The following ARFGEF1 variants were observed in gnomAD, a reference collection of about 807,000 sequenced individuals.
ARFGEF1 encodes ARF guanine nucleotide exchange factor 1.
A neutral mutation model predicts 231.0 loss-of-function variants in ARFGEF1; 42 were observed. That is an observed-to-expected ratio of 0.18 (90% confidence interval 0.14 to 0.24). The LOEUF (loss-of-function observed/expected upper bound fraction) is 0.24. Among genes scored for constraint, ARFGEF1 ranks in the 10% least tolerant of loss-of-function variants. ARFGEF1 has a pLI of 1.00. For synonymous variants in ARFGEF1, 710 were observed against 732.3 expected, an observed-to-expected ratio of 0.97 and a Z score of 0.49; for missense variants, 1,345 against 2,192.0, an observed-to-expected ratio of 0.61 and a Z score of 7.72.
intron 35 of ARFGEF1, among the ~76,000 whole-genome samples, chr8:67,203,550 C>A (rs1279367154): frequency 6.6e-6 from 1 of 152,190 alleles, no homozygotes; most frequent in African/African-American, 2.4e-5. Flanking sequence ...TTTAATTATT[C>A]TCTTTCACAA....
At chr8:67,213,484 T>C (rs1467753161) in intron 33 of ARFGEF1, among the ~76,000 whole-genome samples, 1 of 152,106 alleles carries the variant, frequency 6.6e-6, no homozygotes, top group Non-Finnish European at 1.5e-5. Context: ...TAAAAACAAA[T>C]GTAAAATGAC....
chr8:67,314,268 C>T (rs1160554545), intron 1 of ARFGEF1, among the ~76,000 whole-genome samples: 1 of 152,168 alleles, frequency 6.6e-6, no homozygotes, highest in South Asian at 2.1e-4. Flanking sequence ...GATTCAAGTC[C>T]TCCCCTGAGT....
intron 1 of ARFGEF1, 137 bp from the exon 2 acceptor site, chr8:67,302,603 T>A (rs2128916286): frequency 1.9e-6 from 1 of 520,652 alleles, no homozygotes. Flanking sequence ...AATTAGATGC[T>A]AAAATTGTTT....
At chr8:67,285,471 T>C (rs1451111340) in intron 7 of ARFGEF1, among the ~76,000 whole-genome samples, 1 of 151,958 alleles carries the variant, frequency 6.6e-6, no homozygotes, top group Non-Finnish European at 1.5e-5. Flanking sequence ...AAGCCAAGAC[T>C]GTACCACTAT....
intron 5 of ARFGEF1, among the ~76,000 whole-genome samples, chr8:67,179,120 A>T (rs1832381517): frequency 6.6e-6 from 1 of 152,148 alleles, no homozygotes. Context: ...AGGTGCAGGG[A>T]GGTGGAGTTG....
At chr8:67,229,989 A>G (rs996994753) in intron 23 of ARFGEF1, among the ~76,000 whole-genome samples, 3 of 152,080 alleles carry the variant, frequency 2.0e-5, no homozygotes, top group Non-Finnish European at 4.4e-5. Flanking sequence ...AACAGGAGAG[A>G]GAACTATCAT....
intron 15 of ARFGEF1, 23 bp downstream of exon 15, chr8:67,259,792 T>A (rs752473934): frequency 2.7e-5 from 41 of 1,491,688 alleles, no homozygotes; most frequent in Admixed American, 4.0e-5. Flanking sequence ...CAGAAAAGGT[T>A]AGAATGAAAA....
In ARFGEF1 at chr8:67,271,698, G is replaced by GT; in HGVS notation, c.1572+3dup. ...GTAACATTATGCCTAAATGCAAAAC[G>GT]TACCTCAATTTGCATCTTCAGATGT... On this transcript the variant is annotated splice_donor_region_variant and intron_variant, in intron 10 of 38. Coordinates refer to ENST00000262215, the MANE Select transcript of ARFGEF1 (RefSeq NM_006421.5). The GT allele has an allele frequency of 6.3e-7, 1 of 1,589,944 alleles. No homozygotes were observed. The highest frequency in any genetic ancestry group is 8.6e-7 in the Non-Finnish European group (1 of 1,161,286).
chr8:67,274,170 T>A (rs1805216281), intron 9 of ARFGEF1, among the ~76,000 whole-genome samples: 1 of 152,070 alleles, frequency 6.6e-6, no homozygotes, highest in African/African-American at 2.4e-5. Flanking sequence ...GGCTGGAAAT[T>A]TCAGGTCTGC....
chr8:67,231,797 G>T (rs934967440), intron 23 of ARFGEF1, among the ~76,000 whole-genome samples: 1 of 151,982 alleles, frequency 6.6e-6, no homozygotes, highest in Admixed American at 6.6e-5. Context: ...TTTCCTCATT[G>T]TAAATTGAGG....
At chr8:67,339,616 C>G (rs1808507436) in intron 1 of ARFGEF1, among the ~76,000 whole-genome samples, 1 of 151,584 alleles carries the variant, frequency 6.6e-6, no homozygotes, top group African/African-American at 2.4e-5. Context: ...CAGCAGATGG[C>G]CAGACTATTT....
In ARFGEF1 at chr8:67,217,762, G is replaced by A; in HGVS notation, c.4613+20C>T. ...TTCAATATACAAATATAAATGTAAA[G>A]TTGTATAAAATCTTCTTACGCATGT... On this transcript the variant is annotated intron_variant, in intron 32 of 38. Transcript: ENST00000262215. The A allele has an allele frequency of 6.2e-7, 1 of 1,609,152 alleles. No individual in the cohort carries two copies.
At chr8:67,287,573 C>T (rs186443280) in intron 7 of ARFGEF1, among the ~76,000 whole-genome samples, 67 of 152,290 alleles carry the variant, frequency 4.4e-4, no homozygotes, top group Non-Finnish European at 2.1e-4. Context: ...ATTCTCTTTT[C>T]CTTACCTACT....
chr8:67,317,097 T>C (rs1807352787), intron 1 of ARFGEF1, among the ~76,000 whole-genome samples: 2 of 152,166 alleles, frequency 1.3e-5, no homozygotes, highest in African/African-American at 2.4e-5. Flanking sequence ...GTGATACACA[T>C]CAATGAGCTG....
intron 33 of ARFGEF1, among the ~76,000 whole-genome samples, chr8:67,215,589 G>T (rs1838898663): frequency 6.6e-6 from 1 of 152,192 alleles, no homozygotes; most frequent in East Asian, 1.9e-4. Flanking sequence ...CACACAGTGA[G>T]GGAGACTATG....
chr8:67,187,268 G>A (rs1343448156), intron 5 of ARFGEF1, among the ~76,000 whole-genome samples: 2 of 152,176 alleles, frequency 1.3e-5, no homozygotes, highest in African/African-American at 4.8e-5. Context: ...CCAGCACAAT[G>A]TTTAAAGAGA....
chr8:67,213,018 C>G (rs1325129947), intron 33 of ARFGEF1, among the ~76,000 whole-genome samples: 1 of 152,028 alleles, frequency 6.6e-6, no homozygotes, highest in African/African-American at 2.4e-5. Context: ...TCTCACTAAC[C>G]AATGTAAATG....
downstream of ARFGEF1, chr8:67,195,460 AGCCCTGGCTCC>A (rs1378417222): frequency 6.2e-7 from 1 of 1,614,108 alleles, no homozygotes; most frequent in Admixed American, 1.7e-5. Flanking sequence ...GTAGCAACTG[AGCCCTGGCTCC>A]GCCCTGGCAC....
chr8:67,222,208 CACACAT>C lies in ARFGEF1; in HGVS notation c.4209-2654_4209-2649del, dbSNP rs1194141219. On this transcript the variant is annotated intron_variant, in intron 29 of 38. Coordinates refer to ENST00000262215, the MANE Select transcript of ARFGEF1 (RefSeq NM_006421.5). ...ATATATATATATATATATATATACA[CACACAT>C]ATATATATATGTATATGTATGTATG... 6.5e-3 allele frequency among the ~76,000 whole-genome samples: 863 copies of C among 132,654 alleles called. 13 individuals carry two copies. Among genetic ancestry groups the C allele is most frequent in the African/African-American group, 0.025 (828 of 33,612 alleles). The allele number at this position is 132,654 out of a possible 152,430, so 87.0% of individuals were successfully genotyped here.
Sources: allele counts gnomAD v4.1 joint callset (sites outside exome capture counted in the v4.1 genomes callset), GRCh38; gene constraint gnomAD v4.1.1; transcripts MANE v1.5; gene names NCBI Gene and HGNC (gene_info 2026-07-23, HGNC 2026-07-21).